The following PSG4 variants were observed in gnomAD, a reference collection of about 807,000 sequenced individuals.
PSG4 encodes pregnancy specific beta-1-glycoprotein 4, also known as pregnancy-specific beta-1-glycoprotein 4.
A neutral mutation model predicts 44.3 loss-of-function variants in PSG4; 61 were observed. The ratio of observed to expected loss-of-function variants is 1.38; its 90% CI spans 1.12 to 1.70. PSG4 has a LOEUF of 1.70. PSG4 is among the 40% of genes most tolerant of loss of function. The pLI, the probability that PSG4 is intolerant of heterozygous loss-of-function variation, is 0.00. For missense variants in PSG4, 677 were observed against 511.7 expected (o/e 1.32, Z -3.12); for synonymous variants, 248 against 191.3 (o/e 1.30, Z -2.45).
intron 2 of PSG4, 26 bp from the exon 3 acceptor site, chr19:43,198,301 G>T (rs1967348966): frequency 1.9e-6 from 3 of 1,567,126 alleles, no homozygotes; most frequent in Non-Finnish European, 2.6e-6. Flanking sequence ...AGAGAGGTTT[G>T]CCCTGTGTGG....
rs938937490 is a variant in PSG4 at position 43,200,979 on chromosome 19, T to C, written c.431-2704A>G. ...CAGGAAGCCAGAAGTCTCTAGGAAGTGACAGGAGAATGTGAGCTGCATAGC... is the reference window on the plus strand; with the variant it reads ...CAGGAAGCCAGAAGTCTCTAGGAAGCGACAGGAGAATGTGAGCTGCATAGC... On this transcript the variant is annotated intron_variant, in intron 2 of 5. Transcript: ENST00000405312. Among the ~76,000 whole-genome samples the C allele has an allele frequency of 1.1e-4, 16 of 145,962 alleles. 3 individuals are homozygous for C. Among genetic ancestry groups the C allele is most frequent in the African/African-American group, 4.2e-4 (16 of 38,190 alleles).
chr19:43,201,491 T>A (rs959763005), intron 2 of PSG4, among the ~76,000 whole-genome samples: 5 of 145,182 alleles, frequency 3.4e-5, no homozygotes, highest in African/African-American at 5.3e-5. Flanking sequence ...TTTGAGATGT[T>A]TCTCATTCTT....
At position 43,193,444 on chromosome 19, in the gene PSG4, C is replaced by T. The variant is rs1023628277; in HGVS notation, c.1244-56G>A. ...ATGAACAGAGCTGCAATCTCATAAC[C>T]GGTGTACTACAGTTTTTATTTTCCA... On this transcript the variant is annotated intron_variant, in intron 5 of 5. Coordinates refer to ENST00000405312, the MANE Select transcript of PSG4 (RefSeq NM_002780.5). The T allele has an allele frequency of 2.7e-5, 21 of 765,284 alleles. 2 individuals are homozygous for T. Among genetic ancestry groups the T allele is most frequent in the African/African-American group, 1.4e-4 (8 of 58,730 alleles). The allele number at this position is 765,284 out of a possible 1,614,324, so 47.4% of individuals were successfully genotyped here. A position where few individuals can be genotyped will look rare whatever the true frequency, so the allele number is the denominator to read the frequency against.
Position 43,198,267 on chromosome 19 carries a change from G to A in PSG4, c.439C>T (p.Pro147Ser), listed in dbSNP as rs1259922532. Residue 147 changes from proline (P) to serine (S), a missense_variant, in exon 3 of 6, where the codon CCC (proline) becomes TCC (serine). Pro to Ser is a moderately conservative substitution (Grantham distance 74). Coordinates refer to ENST00000405312, the MANE Select transcript of PSG4 (RefSeq NM_002780.5). ...TTGCTGCTGGAGATGGAGGGCTTGG[G>A]AGTCTCCACTGTGCAGAAAACAGAG... ...HFTFTLHLET[P>S]KPSISSSNLN... is the part of the protein sequence containing the mutation. The A allele has an allele frequency of 4.4e-6, 7 of 1,586,110 alleles. 2 individuals carry two copies. In the Admixed American group the frequency reaches 1.2e-4, roughly 27 times the overall value.
rs770208266 is a variant in PSG4 at position 43,195,094 on chromosome 19, G to T, written c.889C>A (p.Leu297Ile). 4 of 1,611,020 alleles carry T rather than the reference G, an allele frequency of 2.5e-6. No homozygotes were observed. The Admixed American group carries it at 6.7e-5, about 27-fold the overall frequency. ...GTTTCATTTCTCGTGACATTGGGTAGAATGAGGATCCTGTTTTCAATGGGT... is the reference window on the plus strand; with the variant it reads ...GTTTCATTTCTCGTGACATTGGGTATAATGAGGATCCTGTTTTCAATGGGT... ...KRPIENRILILPNVTRNETGP... is the reference protein window; with the variant it reads ...KRPIENRILIIPNVTRNETGP... Residue 297 changes from leucine (L) to isoleucine (I), a missense_variant, in exon 4 of 6, where the codon CTA (leucine) becomes ATA (isoleucine). Coordinates refer to ENST00000405312, the MANE Select transcript of PSG4 (RefSeq NM_002780.5).
chr19:43,195,804 G>A (rs1446946282), intron 3 of PSG4, among the ~76,000 whole-genome samples: 5 of 150,160 alleles, frequency 3.3e-5, no homozygotes, highest in Admixed American at 6.7e-5. Flanking sequence ...TAACACAGGA[G>A]AGACCAGAGT....
rs1455193781 is a variant in PSG4, at chr19:43,193,041, T to A, written c.*331A>T. 43 of 584,214 alleles carry A rather than the reference T, an allele frequency of 7.4e-5. 1 individual carries two copies. The highest frequency in any genetic ancestry group is 7.2e-4 in the East Asian group (26 of 36,126). 36.2% of individuals were successfully genotyped at this position (584,214 alleles called of 1,614,324 possible). A position where few individuals can be genotyped will look rare whatever the true frequency, so the allele number is the denominator to read the frequency against. ...ATGTGAAATTCTAATGACTGCATTA[T>A]CCTGCCAAGTGAAAGAGGCAGGCAT... On this transcript the variant is annotated 3_prime_UTR_variant, in exon 6 of 6. Transcript: ENST00000405312.
At chr19:43,203,556 A>C in intron 2 of PSG4, 1 of 308,008 alleles carries the variant, frequency 3.2e-6, no homozygotes. Flanking sequence ...CCCTCAGGCC[A>C]GCCCTACTCA....
intron 3 of PSG4, chr19:43,197,666 G>T: frequency 2.5e-6 from 1 of 405,824 alleles, no homozygotes; most frequent in Non-Finnish European, 4.3e-6. Flanking sequence ...CTGTGGAAGG[G>T]CCACAGTGAC....
chr19:43,194,117 T>A, intron 5 of PSG4: 1 of 1,343,438 alleles, frequency 7.4e-7, no homozygotes, highest in Non-Finnish European at 1.0e-6. Flanking sequence ...AAATCAATGT[T>A]TCTCCTGCTT....
chr19:43,193,224 C>G lies in PSG4; in HGVS notation c.*148G>C. The stretch of plus-strand genomic sequence containing the variant: ...ATGGTGTCGAACATTTTGGTGAGTT[C>G]TGAGTGGCTCACATGTCAGGTACAA... On this transcript the variant is annotated 3_prime_UTR_variant, in exon 6 of 6. Coordinates refer to ENST00000405312, the MANE Select transcript of PSG4 (RefSeq NM_002780.5). 1.3e-6 allele frequency: 1 copy of G among 763,874 alleles called. No individual in the cohort carries two copies. The highest frequency in any genetic ancestry group is 2.4e-6 in the Non-Finnish European group (1 of 417,090). 47.3% of individuals were successfully genotyped at this position (763,874 alleles called of 1,614,324 possible). A position where few individuals can be genotyped will look rare whatever the true frequency, so the allele number is the denominator to read the frequency against.
At chr19:43,198,454 C>T (rs1197873579) in intron 2 of PSG4, 179 bp from the exon 3 acceptor site, 3 of 1,157,654 alleles carry the variant, frequency 2.6e-6, no homozygotes, top group Non-Finnish European at 3.5e-6. Flanking sequence ...GATTGTGAGG[C>T]TGCCTGCTTT....
Position 43,194,086 on chromosome 19 carries a change from A to T in PSG4, c.1243+254T>A, listed in dbSNP as rs190347737. ...AAAAATCATAAAAATATTATCCTCA[A>T]TATTGTCAATTATTTCAATGAAATC... On this transcript the variant is annotated intron_variant, in intron 5 of 5. Transcript: ENST00000405312. 1,223 of 1,218,174 alleles carry T rather than the reference A, an allele frequency of 1.0e-3. 43 individuals carry two copies. The African/African-American group carries it at 0.018, about 18-fold the overall frequency. The allele number at this position is 1,218,174 out of a possible 1,614,324, so 75.5% of individuals were successfully genotyped here.
Position 43,204,971 on chromosome 19 carries a change from A to T in PSG4, c.64+502T>A, listed in dbSNP as rs1291959963. 2 of 257,626 alleles carry T rather than the reference A, an allele frequency of 7.8e-6. 1 individual carries two copies. The highest frequency in any genetic ancestry group is 1.5e-5 in the Non-Finnish European group (2 of 137,790). 16.0% of individuals were successfully genotyped at this position (257,626 alleles called of 1,614,324 possible). A position where few individuals can be genotyped will look rare whatever the true frequency, so the allele number is the denominator to read the frequency against. On this transcript the variant is annotated intron_variant, in intron 1 of 5. Coordinates refer to ENST00000405312, the MANE Select transcript of PSG4 (RefSeq NM_002780.5). ...CCCTGATGATTAATCAGGAAAACAG[A>T]ACACTTAAGATTTTCCTACCACTTA... is the stretch of plus-strand genomic sequence containing the variant.
intron 4 of PSG4, 84 bp from the exon 5 acceptor site, chr19:43,194,678 T>A: frequency 6.5e-7 from 1 of 1,531,020 alleles, no homozygotes; most frequent in Non-Finnish European, 8.8e-7. Flanking sequence ...ACAGTTACCC[T>A]CTAAGCCAAG....
chr19:43,195,109 T>C lies in PSG4; in HGVS notation c.874A>G (p.Asn292Asp). The change falls in exon 4 of 6, where the codon AAC becomes GAC. Residue 292 changes from asparagine to aspartate, a missense_variant. Physicochemically the swap from Asn to Asp is conservative, Grantham distance 23. Transcript: ENST00000405312. Reference sequence around the variant, plus strand: ...ACATTGGGTAGAATGAGGATCCTGTTTTCAATGGGTCGCTTTACCCTGGGA... The same window carrying C: ...ACATTGGGTAGAATGAGGATCCTGTCTTCAATGGGTCGCTTTACCCTGGGA... ...VSPRVKRPIE[N>D]RILILPNVTR... 1 of 1,610,812 alleles carries C rather than the reference T, an allele frequency of 6.2e-7. No homozygotes were observed. The highest frequency in any genetic ancestry group is 1.1e-5 in the South Asian group (1 of 90,960).
At position 43,194,324 on chromosome 19, in the gene PSG4, G is replaced by T. The variant is rs772169818; in HGVS notation, c.1243+16C>A. The T allele has an allele frequency of 5.6e-6, 9 of 1,612,102 alleles. No individual in the cohort carries two copies. The highest frequency in any genetic ancestry group is 3.3e-5 in the Admixed American group (2 of 59,846). On this transcript the variant is annotated intron_variant, in intron 5 of 5. Transcript: ENST00000405312. Reference sequence around the variant, plus strand: ...CACCTAAATCCCTATTGCCAAGGATGCTGGGATCCACTTACCAGAGACTTT... The same window carrying T: ...CACCTAAATCCCTATTGCCAAGGATTCTGGGATCCACTTACCAGAGACTTT...
At chr19:43,203,659 A>G in intron 2 of PSG4, 1 of 763,914 alleles carries the variant, frequency 1.3e-6, no homozygotes, top group South Asian at 1.9e-5. Flanking sequence ...CCCCCATCAG[A>G]CTGTCCTTCC....
chr19:43,204,065 A>G lies in PSG4; in HGVS notation c.251T>C (p.Val84Ala). 3 of 1,586,632 alleles carry G rather than the reference A, an allele frequency of 1.9e-6. 1 individual carries two copies. The highest frequency in any genetic ancestry group is 5.3e-5 in the East Asian group (2 of 37,514). Residue 84 changes from valine (V) to alanine (A), a missense_variant, in exon 2 of 6, where the codon GTA (valine) becomes GCA (alanine). By Grantham distance (64) the Val-to-Ala change is moderately conservative. Transcript: ENST00000405312. ...CCCATATATAATTCTTTGACCGTCT[A>G]CTACATATGATGTAATGTAATGGTA... is the stretch of plus-strand genomic sequence containing the variant. Reference protein sequence around the residue: ...YLYHYITSYVVDGQRIIYGPA... With the variant: ...YLYHYITSYVADGQRIIYGPA...
Sources: gnomAD v4.1 joint callset for allele counts (sites outside exome capture counted in the v4.1 genomes callset) on GRCh38, gnomAD v4.1.1 for gene constraint, MANE v1.5 for transcripts, NCBI Gene and HGNC (gene_info 2026-07-23, HGNC 2026-07-21) for gene names.